HRK: variants seen among roughly 807,000 people sequenced by gnomAD.
The protein encoded by HRK is harakiri, BCL2 interacting protein.
A neutral mutation model predicts 5.9 loss-of-function variants in HRK; 6 were observed. The ratio of observed to expected loss-of-function variants is 1.02; its 90% confidence interval spans 0.56 to 2.01. HRK has a LOEUF of 2.01. Ranked by LOEUF, HRK falls within the 30% of genes most tolerant of loss-of-function variation. The probability of loss-of-function intolerance (pLI) is 0.00; values close to 1 mark genes in which losing one functional copy is unlikely to be tolerated. For synonymous variants in HRK, 85 were observed against 65.1 expected (o/e 1.31, Z -1.47); for missense variants, 133 against 128.3 (o/e 1.04, Z -0.18).
rs72323973 is a variant in HRK, at chr12:116,863,697, C to CTTT, written c.*57-2234_*57-2232dup. On this transcript the variant is annotated intron_variant, in intron 1 of 1. Transcript: ENST00000257572. ...CAAATCAGTGACTTCAAACCTTTTG[C>CTTT]TTTTTTTTTTTTTTTTAAAGAAACT... Among the ~76,000 whole-genome samples the CTTT allele has an allele frequency of 2.9e-5, 4 of 138,944 alleles. No individual in the cohort carries two copies. In the South Asian group the frequency reaches 9.3e-4, roughly 32 times the overall value. 91.2% of individuals were successfully genotyped at this position (138,944 alleles called of 152,430 possible).
intron 1 of HRK, among the ~76,000 whole-genome samples, chr12:116,871,092 T>TTTTTGTTTTGTTTTGTTTTGTTTTG (rs57267390): frequency 6.7e-6 from 1 of 148,336 alleles, no homozygotes; most frequent in African/African-American, 2.5e-5. Context: ...CTAATTTTTG[T>TTTTTGTTTTGTTTTGTTTTGTTTTG]TTTTGTTTTG....
At chr12:116,864,595 C>T (rs1389690366) in intron 1 of HRK, among the ~76,000 whole-genome samples, 1 of 152,082 alleles carries the variant, frequency 6.6e-6, no homozygotes, top group Non-Finnish European at 1.5e-5. Context: ...AGGGCCCAAA[C>T]AAGACCAAGG....
intron 1 of HRK, among the ~76,000 whole-genome samples, chr12:116,868,128 GA>G (rs548471666): frequency 1.5e-4 from 3 of 20,268 alleles, no homozygotes; most frequent in East Asian, 2.4e-3. Context: ...GAAAATGACT[GA>G]TTTTTTTTTT....
chr12:116,864,009 C>G (rs765280108), intron 1 of HRK, among the ~76,000 whole-genome samples: 2 of 152,138 alleles, frequency 1.3e-5, no homozygotes, highest in Non-Finnish European at 2.9e-5. Flanking sequence ...GCCAATTCCC[C>G]TTCTATCTCA....
intron 1 of HRK, among the ~76,000 whole-genome samples, chr12:116,877,469 G>A (rs940434691): frequency 2.6e-5 from 4 of 152,154 alleles, no homozygotes; most frequent in Admixed American, 1.3e-4. Context: ...TCAAGGTCAC[G>A]CTGTCAGCAA....
At chr12:116,867,912 G>C (rs1012629074) in intron 1 of HRK, 1 of 152,130 alleles carries the variant, frequency 6.6e-6, no homozygotes, top group African/African-American at 2.4e-5. Flanking sequence ...GGGGCTCCCT[G>C]AAATCAGGGG....
At position 116,859,396 on chromosome 12, in the gene HRK, C is replaced by T. The variant is rs577069722; in HGVS notation, c.*2127G>A. 2.0e-4 allele frequency: 30 copies of T among 152,266 alleles called. No individual in the cohort carries two copies. Among genetic ancestry groups the T allele is most frequent in the African/African-American group, 6.7e-4 (28 of 41,554 alleles). 9.4% of individuals were successfully genotyped at this position (152,266 alleles called of 1,614,324 possible). A position where few individuals can be genotyped will look rare whatever the true frequency, so the allele number is the denominator to read the frequency against. The stretch of plus-strand genomic sequence containing the variant: ...CTGTGTAGTAATGGACGCCCCTCCC[C>T]AGAAAATGGGGGGAGCTGGAAAGAC... On this transcript the variant is annotated 3_prime_UTR_variant, in exon 2 of 2. Coordinates refer to ENST00000257572, the MANE Select transcript of HRK (RefSeq NM_003806.4).
At position 116,881,209 on chromosome 12, in the gene HRK, G is replaced by A. The variant is rs1593013310; in HGVS notation, c.99C>T (p.Thr33=). 5 of 1,129,290 alleles carry A rather than the reference G, an allele frequency of 4.4e-6. No individual in the cohort carries two copies. Among genetic ancestry groups the A allele is most frequent in the Non-Finnish European group, 5.4e-6 (5 of 923,856 alleles). 70.0% of individuals were successfully genotyped at this position (1,129,290 alleles called of 1,614,324 possible). ...LGLRSSAAQL[T]AARLKALGDE... ...CGCCTAGCGCCTTGAGCCGGGCGGC[G>A]GTGAGCTGCGCGGCGGACGAGCGCA... Residue 33 remains threonine (T), a synonymous_variant, in exon 1 of 2, where the codon ACC becomes ACT. Coordinates refer to ENST00000257572, the MANE Select transcript of HRK (RefSeq NM_003806.4).
chr12:116,867,269 G>A (rs1374364582), intron 1 of HRK, among the ~76,000 whole-genome samples: 1 of 151,620 alleles, frequency 6.6e-6, no homozygotes, highest in Non-Finnish European at 1.5e-5. Context: ...AGCCTCCCAA[G>A]TAGCTGGGAT....
At chr12:116,877,903 T>A (rs185295996) in intron 1 of HRK, among the ~76,000 whole-genome samples, 1 of 152,168 alleles carries the variant, frequency 6.6e-6, no homozygotes, top group East Asian at 1.9e-4. Context: ...TATATACACA[T>A]ATATGTTTTA....
chr12:116,857,524 G>A lies in HRK; in HGVS notation c.*3999C>T, dbSNP rs1878194839. 1 of 152,158 alleles carries A rather than the reference G, an allele frequency of 6.6e-6. No individual in the cohort carries two copies. Among genetic ancestry groups the A allele is most frequent in the Admixed American group, 6.5e-5 (1 of 15,272 alleles). 9.4% of individuals were successfully genotyped at this position (152,158 alleles called of 1,614,324 possible). On this transcript the variant is annotated 3_prime_UTR_variant, in exon 2 of 2. Coordinates refer to ENST00000257572, the MANE Select transcript of HRK (RefSeq NM_003806.4). Reference sequence around the variant, plus strand: ...GTAATATCAGGTGGACACTCAAAAAGTCCACAATGGTGAGCCACTGTCCCT... The same window carrying A: ...GTAATATCAGGTGGACACTCAAAAAATCCACAATGGTGAGCCACTGTCCCT...
At chr12:116,874,006 T>A (rs892000386) in intron 1 of HRK, among the ~76,000 whole-genome samples, 1 of 152,170 alleles carries the variant, frequency 6.6e-6, no homozygotes, top group East Asian at 1.9e-4. Flanking sequence ...ACCCAATCGA[T>A]GTCCACAATG....
chr12:116,872,766 C>G (rs1055083380), intron 1 of HRK, among the ~76,000 whole-genome samples: 1 of 151,100 alleles, frequency 6.6e-6, no homozygotes, highest in African/African-American at 2.4e-5. Flanking sequence ...CAGAGTAAGA[C>G]CCCGTCTCAA....
At chr12:116,875,353 A>G (rs1243976677) in intron 1 of HRK, among the ~76,000 whole-genome samples, 1 of 152,132 alleles carries the variant, frequency 6.6e-6, no homozygotes, top group Non-Finnish European at 1.5e-5. Context: ...AACAAGAACA[A>G]TATTTACTTA....
At chr12:116,865,384 A>G (rs189901802) in intron 1 of HRK, among the ~76,000 whole-genome samples, 8 of 152,078 alleles carry the variant, frequency 5.3e-5, no homozygotes, top group Non-Finnish European at 1.2e-4. Flanking sequence ...AAAATTAGCC[A>G]GGTGTGGTGG....
chr12:116,877,510 T>C (rs1878979719), intron 1 of HRK, among the ~76,000 whole-genome samples: 1 of 152,216 alleles, frequency 6.6e-6, no homozygotes, highest in African/African-American at 2.4e-5. Context: ...CTCTTAACCA[T>C]TATTCTCTCC....
rs1473240860 is a variant in HRK, at chr12:116,862,595, C to T, written c.*57-1129G>A. The stretch of plus-strand genomic sequence containing the variant: ...GGAATTGGGGAGTGATACTCATGCG[C>T]ATGGGGTTTCTTTCAGGGAAACGAA... On this transcript the variant is annotated intron_variant, in intron 1 of 1. Coordinates refer to ENST00000257572, the MANE Select transcript of HRK (RefSeq NM_003806.4). The surrounding 1 kb of genome is among the most constrained non-coding windows in gnomAD (Gnocchi z 4.0). 1.3e-5 allele frequency among the ~76,000 whole-genome samples: 2 copies of T among 152,130 alleles called. No individual in the cohort carries two copies. Among genetic ancestry groups the T allele is most frequent in the Non-Finnish European group, 2.9e-5 (2 of 68,028 alleles).
At chr12:116,865,618 A>G (rs1326850856) in intron 1 of HRK, among the ~76,000 whole-genome samples, 2 of 152,248 alleles carry the variant, frequency 1.3e-5, no homozygotes, top group Admixed American at 1.3e-4. Flanking sequence ...ACAGCAAAGA[A>G]GAATATAAAA....
chr12:116,869,150 A>T (rs1325639715), intron 1 of HRK, among the ~76,000 whole-genome samples: 1 of 151,818 alleles, frequency 6.6e-6, no homozygotes, highest in Non-Finnish European at 1.5e-5. Context: ...ATTTTTGTAC[A>T]TATTTTTTTA....
Sources: allele counts gnomAD v4.1 joint callset (sites outside exome capture counted in the v4.1 genomes callset), GRCh38; gene constraint gnomAD v4.1.1; non-coding constraint Gnocchi (gnomAD v3.1); transcripts MANE v1.5; gene names NCBI Gene and HGNC (gene_info 2026-07-23, HGNC 2026-07-21).